Variants in COL5A1 observed in about 807,000 individuals in gnomAD.
The protein encoded by COL5A1 is collagen alpha-1(V) chain.
In COL5A1, 16 loss-of-function variants were observed where a neutral mutation model predicts 263.7. That is an observed-to-expected ratio of 0.06 (90% CI 0.04 to 0.09). The LOEUF is 0.09. COL5A1 is among the 10% of genes least tolerant of loss of function. The pLI is 1.00. For missense variants in COL5A1, 2,036 were observed against 2,540.5 expected, an observed-to-expected ratio of 0.80 and a Z score of 4.27; for synonymous variants, 1,012 against 1,004.5, an observed-to-expected ratio of 1.01 and a Z score of -0.14.
At chr9:134,722,408 C>T (rs1304142234) in intron 4 of COL5A1, among the ~76,000 whole-genome samples, 1 of 152,216 alleles carries the variant, frequency 6.6e-6, no homozygotes, top group East Asian at 1.9e-4. Context: ...TGTGTGCCCA[C>T]AAGCACTGAG....
chr9:134,803,062 T>G (rs1318480263), intron 39 of COL5A1, 67 bp downstream of exon 39: 18 of 1,331,216 alleles, frequency 1.4e-5, no homozygotes, highest in Non-Finnish European at 1.7e-5. Flanking sequence ...GACTTTGTGT[T>G]TTTCTTGCCC....
intron 54 of COL5A1, 147 bp downstream of exon 54, chr9:134,817,978 G>A (rs1838829727): frequency 1.2e-5 from 10 of 831,926 alleles, no homozygotes; most frequent in Middle Eastern, 2.4e-4. Context: ...GCCTACCTGG[G>A]GAGGAGACCT....
chr9:134,669,432 G>A (rs1832472986), intron 1 of COL5A1, among the ~76,000 whole-genome samples: 1 of 150,652 alleles, frequency 6.6e-6, no homozygotes, highest in South Asian at 2.1e-4. Context: ...CCATGATTTT[G>A]TCATAGCACT....
rs886063669 is a variant in COL5A1 at position 134,641,831 on chromosome 9, G to T, written c.-357G>T. 1.8e-5 allele frequency: 7 copies of T among 387,534 alleles called. No individual in the cohort carries two copies. The highest frequency in any genetic ancestry group is 1.1e-4 in the East Asian group (3 of 27,376). 24.0% of individuals were successfully genotyped at this position (387,534 alleles called of 1,614,324 possible). A position where few individuals can be genotyped will look rare whatever the true frequency, so the allele number is the denominator to read the frequency against. On this transcript the variant is annotated 5_prime_UTR_variant, in exon 1 of 66. Transcript: ENST00000371817. Reference sequence around the variant, plus strand: ...CGCACTCTCCGTCCCCGCGGCTGGCGCAGGACCTCACTCGAGCGGAGCGCC... The same window carrying T: ...CGCACTCTCCGTCCCCGCGGCTGGCTCAGGACCTCACTCGAGCGGAGCGCC...
In COL5A1 at chr9:134,824,706, TGGACTACGC is replaced by T; in HGVS notation, c.4810_4818del (p.Tyr1604_Asp1606del). On this transcript the variant is annotated inframe_deletion, in exon 62 of 66. Transcript: ENST00000371817. ...GACGACGGGAATGGCGAGAACTACGTGGACTACGCGGACGGCATGGAAGAGATCTTCGGC... is the reference window on the plus strand; with the variant it reads ...GACGACGGGAATGGCGAGAACTACGTGGACGGCATGGAAGAGATCTTCGGC... The T allele has an allele frequency of 6.2e-7, 1 of 1,614,124 alleles. No homozygotes were observed.
At chr9:134,837,586 T>C (rs1839890719) in intron 65 of COL5A1, among the ~76,000 whole-genome samples, 1 of 151,884 alleles carries the variant, frequency 6.6e-6, no homozygotes, top group Admixed American at 6.6e-5. Context: ...ACTCAGAACC[T>C]GACTTCCTGG....
chr9:134,774,660 C>G (rs567251690), intron 26 of COL5A1, among the ~76,000 whole-genome samples, 199 bp from the exon 27 acceptor site: 157 of 152,332 alleles, frequency 1.0e-3, no homozygotes, highest in Non-Finnish European at 1.8e-3. Context: ...CAGCATGAGA[C>G]ACAGCCACAC....
chr9:134,822,657 A>C (rs1032913409), intron 59 of COL5A1, among the ~76,000 whole-genome samples: 4 of 150,686 alleles, frequency 2.7e-5, no homozygotes, highest in Non-Finnish European at 2.9e-5. Flanking sequence ...GCTGTGTGCT[A>C]TCAGGGCTGG....
intron 42 of COL5A1, among the ~76,000 whole-genome samples, chr9:134,807,740 T>G (rs1462226990): frequency 1.3e-5 from 2 of 152,378 alleles, no homozygotes; most frequent in East Asian, 3.9e-4. Flanking sequence ...TTGGCAATTT[T>G]GGTGTCTTCT....
At chr9:134,694,521 G>T (rs1833393606) in intron 2 of COL5A1, among the ~76,000 whole-genome samples, 1 of 152,232 alleles carries the variant, frequency 6.6e-6, no homozygotes, top group Non-Finnish European at 1.5e-5. Flanking sequence ...TACAGGGGAA[G>T]AATCCTGTTC....
At chr9:134,687,902 C>T (rs1833135227) in intron 1 of COL5A1, among the ~76,000 whole-genome samples, 1 of 152,208 alleles carries the variant, frequency 6.6e-6, no homozygotes, top group Non-Finnish European at 1.5e-5. Flanking sequence ...CTGGGATCCA[C>T]CCTCTGGTGG....
chr9:134,732,522 C>T (rs1286321117), intron 9 of COL5A1: 3 of 358,370 alleles, frequency 8.4e-6, no homozygotes, highest in East Asian at 1.2e-4. Flanking sequence ...ATGCGCGCGG[C>T]AGTGGTAGGG....
At position 134,732,084 on chromosome 9, in the gene COL5A1, G is replaced by A. The variant is rs778297413; in HGVS notation, c.1346G>A (p.Arg449Gln). 1.2e-5 allele frequency: 19 copies of A among 1,614,172 alleles called. No individual in the cohort carries two copies. The Admixed American group carries it at 1.7e-4, about 14-fold the overall frequency. Residue 449 changes from arginine to glutamine, a missense_variant, in exon 9 of 66, where the codon CGG becomes CAG. Physicochemically the swap from Arg to Gln is conservative, Grantham distance 43. Transcript: ENST00000371817. ...TATCACCCCCAGATTGGAGGACCTC[G>A]GGGCGAGAAAGGCCAAAAGGGAGAA... ...DTIYEGIGGPRGEKGQKGEPA... is the reference protein window; with the variant it reads ...DTIYEGIGGPQGEKGQKGEPA...
In COL5A1 at chr9:134,654,759, G is replaced by T. The variant is rs1358362945; in HGVS notation, c.109+12463G>T. Among the ~76,000 whole-genome samples the T allele has an allele frequency of 2.1e-5, 3 of 141,026 alleles. No homozygotes were observed. The East Asian group carries it at 7.0e-4, about 33-fold the overall frequency. The allele number at this position is 141,026 out of a possible 152,430, so 92.5% of individuals were successfully genotyped here. A position where few individuals can be genotyped will look rare whatever the true frequency, so the allele number is the denominator to read the frequency against. On this transcript the variant is annotated intron_variant, in intron 1 of 65. Transcript: ENST00000371817. ...TGGGGTGTGTGTAGGGCTGGTGTGT[G>T]TAGGGCTTGTGGTGTCTAGGGCTGG...
rs762627467 is a variant in COL5A1 at position 134,696,322 on chromosome 9, T to A, written c.278-3587T>A. 1.8e-4 allele frequency among the ~76,000 whole-genome samples: 27 copies of A among 152,048 alleles called. No homozygotes were observed. The highest frequency in any genetic ancestry group is 3.4e-4 in the Non-Finnish European group (23 of 68,006). The stretch of plus-strand genomic sequence containing the variant: ...CCGAGTAGTTGGGATTACAGGTGTG[T>A]GCCACCACACCCGGCTAATTTTTTT... On this transcript the variant is annotated intron_variant, in intron 2 of 65. Coordinates refer to ENST00000371817, the MANE Select transcript of COL5A1 (RefSeq NM_000093.5). This position sits in a 1 kb window ranked among gnomAD's most constrained non-coding sequence, Gnocchi z 4.3.
rs1006440539 is a variant in COL5A1, at chr9:134,766,594, T to A, written c.2133+96T>A. ...GAGGTCCATCGCTGTCCACATCAGC[T>A]GGGAACATGAAGGGCAGGTTGCAGA... On this transcript the variant is annotated intron_variant, in intron 22 of 65. Transcript: ENST00000371817. The A allele has an allele frequency of 5.9e-4, 774 of 1,317,322 alleles. 2 individuals are homozygous for A. The highest frequency in any genetic ancestry group is 5.1e-4 in the Non-Finnish European group (474 of 930,384). The allele number at this position is 1,317,322 out of a possible 1,614,324, so 81.6% of individuals were successfully genotyped here. A position where few individuals can be genotyped will look rare whatever the true frequency, so the allele number is the denominator to read the frequency against.
intron 2 of COL5A1, among the ~76,000 whole-genome samples, chr9:134,697,877 A>G (rs1235952634): frequency 2.0e-5 from 3 of 152,164 alleles, no homozygotes; most frequent in Non-Finnish European, 4.4e-5. Context: ...TGAGGTCAGG[A>G]GTTCGAGACC....
intron 64 of COL5A1, 176 bp downstream of exon 64, chr9:134,830,220 G>C: frequency 6.4e-7 from 1 of 1,573,214 alleles, no homozygotes. Flanking sequence ...CTGCCTGCTT[G>C]CGGCACGGCT....
chr9:134,768,891 T>C (rs1291378506), intron 25 of COL5A1, among the ~76,000 whole-genome samples: 2 of 152,110 alleles, frequency 1.3e-5, no homozygotes, highest in African/African-American at 2.4e-5. Context: ...TTGCAGTGTG[T>C]GCGCGCACAG....
Sources: gnomAD v4.1 joint callset for allele counts (sites outside exome capture counted in the v4.1 genomes callset) on GRCh38, gnomAD v4.1.1 for gene constraint, Gnocchi (gnomAD v3.1) non-coding constraint, MANE v1.5 for transcripts, NCBI Gene and HGNC (gene_info 2026-07-23, HGNC 2026-07-21) for gene names.